Variants in MECOM observed in about 807,000 individuals in gnomAD.
MECOM encodes MDS1 and EVI1 complex locus, also known as histone-lysine N-methyltransferase MECOM.
Under a neutral mutation model 116.3 loss-of-function variants are expected in MECOM, and 13 were observed. The ratio of observed to expected loss-of-function variants is 0.11; its 90% CI spans 0.07 to 0.18. The LOEUF (loss-of-function observed/expected upper bound fraction) is 0.18, where lower values mean the gene tolerates loss of function less well. MECOM is among the 10% of genes least tolerant of loss of function. The pLI, the probability that MECOM is intolerant of heterozygous loss-of-function variation, is 1.00. For synonymous variants in MECOM, 528 were observed against 535.2 expected, an observed-to-expected ratio of 0.99 and a Z score of 0.19; for missense variants, 1,299 against 1,509.0, an observed-to-expected ratio of 0.86 and a Z score of 2.31.
At chr3:169,200,501 T>C (rs1372262111) in intron 2 of MECOM, among the ~76,000 whole-genome samples, 3 of 151,936 alleles carry the variant, frequency 2.0e-5, no homozygotes, top group Non-Finnish European at 4.4e-5. Context: ...AAGAAAACCA[T>C]GGGAAACTTG....
At chr3:169,225,112 G>T (rs1381272033) in intron 2 of MECOM, among the ~76,000 whole-genome samples, 23 of 152,062 alleles carry the variant, frequency 1.5e-4, no homozygotes, top group Admixed American at 1.4e-3. Flanking sequence ...TTGATCCAGA[G>T]GGCTCCAAAA....
intron 2 of MECOM, among the ~76,000 whole-genome samples, chr3:169,213,685 A>C (rs1751072653): frequency 6.6e-6 from 1 of 152,200 alleles, no homozygotes; most frequent in South Asian, 2.1e-4. Flanking sequence ...AAAAATCGGC[A>C]AAGTTATGTT....
chr3:169,247,019 T>A (rs1383084075), intron 2 of MECOM, among the ~76,000 whole-genome samples: 1 of 152,306 alleles, frequency 6.6e-6, no homozygotes, highest in African/African-American at 2.4e-5. Context: ...GAGATTTTTT[T>A]AAGGTATAGA....
chr3:169,600,294 T>C (rs1413846150), intron 1 of MECOM, among the ~76,000 whole-genome samples: 1 of 152,078 alleles, frequency 6.6e-6, no homozygotes, highest in Admixed American at 6.5e-5. Context: ...TTTTTTAAAC[T>C]GAGATTAACA....
At chr3:169,369,561 G>T (rs965967611) in intron 2 of MECOM, among the ~76,000 whole-genome samples, 1 of 151,614 alleles carries the variant, frequency 6.6e-6, no homozygotes, top group Non-Finnish European at 1.5e-5. Context: ...TGTTGCCCAG[G>T]CTGGTCTCAA....
chr3:169,345,453 G>T (rs990072195), intron 2 of MECOM, among the ~76,000 whole-genome samples: 7 of 152,108 alleles, frequency 4.6e-5, no homozygotes, highest in African/African-American at 1.7e-4. Flanking sequence ...CATAATATTT[G>T]CCACAAATAT....
At chr3:169,258,742 AG>A (rs1560055003) in intron 2 of MECOM, among the ~76,000 whole-genome samples, 1 of 152,226 alleles carries the variant, frequency 6.6e-6, no homozygotes, top group Non-Finnish European at 1.5e-5. Flanking sequence ...TATTTTTCAA[AG>A]TCACTAAATA....
chr3:169,589,850 C>T (rs1766197549), intron 1 of MECOM, among the ~76,000 whole-genome samples: 2 of 152,228 alleles, frequency 1.3e-5, no homozygotes, highest in Non-Finnish European at 2.9e-5. Flanking sequence ...AAATCACATG[C>T]AATTTCTGAA....
chr3:169,149,279 C>A (rs552707636), intron 2 of MECOM, among the ~76,000 whole-genome samples: 1 of 152,004 alleles, frequency 6.6e-6, no homozygotes, highest in Admixed American at 6.5e-5. Context: ...CCTGCGGCCC[C>A]CACCTCCTTG....
intron 10 of MECOM, among the ~76,000 whole-genome samples, chr3:169,106,060 T>C (rs1425412466): frequency 6.6e-6 from 1 of 152,182 alleles, no homozygotes; most frequent in Admixed American, 6.6e-5. Flanking sequence ...ATGAATTATG[T>C]GACCTAATGT....
intron 2 of MECOM, chr3:169,147,412 T>A (rs1577175588): frequency 9.1e-6 from 9 of 985,276 alleles, no homozygotes; most frequent in African/African-American, 1.7e-5. Context: ...TGCTCGGCCA[T>A]CCAGAAAGAA....
intron 1 of MECOM, among the ~76,000 whole-genome samples, chr3:169,637,280 A>T (rs1772910744): frequency 6.6e-6 from 1 of 152,206 alleles, no homozygotes; most frequent in Admixed American, 6.5e-5. Context: ...GACCACAGCC[A>T]CATGAGACCG....
At chr3:169,506,064 G>A (rs539748043) in intron 1 of MECOM, among the ~76,000 whole-genome samples, 5 of 152,170 alleles carry the variant, frequency 3.3e-5, no homozygotes, top group South Asian at 4.2e-4. Flanking sequence ...AAATGTTGCC[G>A]TTCTGAAGAG....
At chr3:169,627,159 A>G (rs950406003) in intron 1 of MECOM, among the ~76,000 whole-genome samples, 6 of 152,220 alleles carry the variant, frequency 3.9e-5, no homozygotes, top group African/African-American at 1.4e-4. Context: ...AAAGGATCCA[A>G]TTGACAGTTT....
chr3:169,531,826 C>T (rs936926668), intron 1 of MECOM, among the ~76,000 whole-genome samples: 1 of 152,146 alleles, frequency 6.6e-6, no homozygotes, highest in Non-Finnish European at 1.5e-5. Context: ...AAAAACATTA[C>T]AGAACCAACT....
At chr3:169,110,726 G>C (rs1727077412) in intron 9 of MECOM, among the ~76,000 whole-genome samples, 1 of 152,108 alleles carries the variant, frequency 6.6e-6, no homozygotes, top group South Asian at 2.1e-4. Context: ...CCGATTGGTA[G>C]GTATTCATGA....
intron 2 of MECOM, among the ~76,000 whole-genome samples, chr3:169,220,998 A>G (rs2149496457): frequency 6.6e-6 from 1 of 152,250 alleles, no homozygotes; most frequent in Middle Eastern, 3.4e-3. Flanking sequence ...AGGGAAAGGC[A>G]CTCTATACAA....
At chr3:169,579,899 A>G (rs1442549796) in intron 1 of MECOM, among the ~76,000 whole-genome samples, 1 of 152,190 alleles carries the variant, frequency 6.6e-6, no homozygotes, top group East Asian at 1.9e-4. Context: ...CAACCATTTC[A>G]TCTCATTTAT....
intron 14 of MECOM, 111 bp from the exon 15 acceptor site, chr3:169,090,347 T>C (rs1719279843): frequency 2.2e-6 from 2 of 928,796 alleles, no homozygotes; most frequent in Admixed American, 2.7e-5. Flanking sequence ...ACACTTAACA[T>C]CGGAAATGTT....
Sources: gnomAD v4.1 joint callset for allele counts (sites outside exome capture counted in the v4.1 genomes callset) on GRCh38, gnomAD v4.1.1 for gene constraint, MANE v1.5 for transcripts, NCBI Gene and HGNC (gene_info 2026-07-23, HGNC 2026-07-21) for gene names.